ANG: variants seen among roughly 807,000 people sequenced by gnomAD.
The protein encoded by ANG is Homo sapiens epididymis luminal protein 168.
For missense variants in ANG, 178 were observed against 187.4 expected (o/e 0.95, Z 0.29); for synonymous variants, 74 against 73.8 (o/e 1.00, Z -0.02).
intron 1 of ANG, among the ~76,000 whole-genome samples, chr14:20,692,988 C>T (rs1459731280): frequency 3.3e-5 from 5 of 151,430 alleles, no homozygotes; most frequent in African/African-American, 9.7e-5. Flanking sequence ...GCTGGGACTA[C>T]AGGCGCCCGC....
At chr14:20,693,094 G>T (rs919371260) in intron 1 of ANG, among the ~76,000 whole-genome samples, 1 of 151,986 alleles carries the variant, frequency 6.6e-6, no homozygotes, top group Non-Finnish European at 1.5e-5. Context: ...TGATCCGCCC[G>T]CCTTGGCCTC....
At chr14:20,692,738 C>A (rs180750198) in intron 1 of ANG, among the ~76,000 whole-genome samples, 25 of 152,346 alleles carry the variant, frequency 1.6e-4, no homozygotes, top group African/African-American at 5.5e-4. Context: ...CCCTAAAACT[C>A]TCTTCTTAGC....
rs543926921 is a variant in ANG, at chr14:20,690,029, C to G, written c.-19+1155C>G. On this transcript the variant is annotated intron_variant, in intron 1 of 1. Coordinates refer to ENST00000397990, the MANE Select transcript of ANG (RefSeq NM_001097577.3). ...AGGAGATCGAGACCATCCTGGCTAA[C>G]AAGGTGAAACCCCGTCTCTACTAAA... is the stretch of plus-strand genomic sequence containing the variant. 6.1e-5 allele frequency among the ~76,000 whole-genome samples: 9 copies of G among 147,342 alleles called. 1 individual carries two copies. The highest frequency in any genetic ancestry group is 5.4e-4 in the Admixed American group (8 of 14,802).
At position 20,693,226 on chromosome 14, in the gene ANG, T is replaced by G. The variant is rs74792371; in HGVS notation, c.-18-321T>G. ...GTAGAGACCTATGTAATGTTCATTA[T>G]TCAATTAATAAATACATGAATTAAA... On this transcript the variant is annotated intron_variant, in intron 1 of 1. Coordinates refer to ENST00000397990, the MANE Select transcript of ANG (RefSeq NM_001097577.3). Among the ~76,000 whole-genome samples, 8,239 of 152,324 alleles carry G rather than the reference T, an allele frequency of 0.054. 319 individuals are homozygous for G. Among genetic ancestry groups the G allele is most frequent in the East Asian group, 0.16 (828 of 5,184 alleles).
chr14:20,686,927 AG>A (rs1220541273), upstream of ANG, among the ~76,000 whole-genome samples: 1 of 152,228 alleles, frequency 6.6e-6, no homozygotes, highest in African/African-American at 2.4e-5. Context: ...CTCTAACACT[AG>A]GGTCCTTGGA....
intron 1 of ANG, among the ~76,000 whole-genome samples, chr14:20,692,523 A>G (rs918326915): frequency 3.9e-5 from 6 of 152,258 alleles, no homozygotes; most frequent in Non-Finnish European, 7.3e-5. Flanking sequence ...AGCAGGCAGC[A>G]TTAGATTCTC....
At chr14:20,689,714 C>T (rs1886610244) in intron 1 of ANG, among the ~76,000 whole-genome samples, 2 of 151,958 alleles carry the variant, frequency 1.3e-5, no homozygotes, top group African/African-American at 4.8e-5. Flanking sequence ...GTCAGGAGTT[C>T]GAGACCAGCC....
intron 1 of ANG, among the ~76,000 whole-genome samples, chr14:20,692,447 C>G (rs1386550468): frequency 6.6e-6 from 1 of 152,220 alleles, no homozygotes; most frequent in Non-Finnish European, 1.5e-5. Flanking sequence ...TCAGGGTTCC[C>G]TAGAACAGAG....
chr14:20,689,776 C>T (rs1031990502), intron 1 of ANG, among the ~76,000 whole-genome samples: 2 of 151,852 alleles, frequency 1.3e-5, no homozygotes, highest in East Asian at 1.9e-4. Context: ...ATTAGCCAAG[C>T]GTGGTGGTGG....
upstream of ANG, among the ~76,000 whole-genome samples, chr14:20,687,975 T>C (rs1159700863): frequency 6.6e-6 from 1 of 152,178 alleles, no homozygotes; most frequent in East Asian, 1.9e-4. Context: ...CTGTCTGATA[T>C]TGGAAACTAT....
rs761913537 is a variant in ANG, at chr14:20,693,909, A to G, written c.345A>G (p.Pro115=). 6.2e-6 allele frequency: 10 copies of G among 1,614,176 alleles called. No homozygotes were observed. The Admixed American group carries it at 1.3e-4, about 22-fold the overall frequency. ...TACATGGAGGTTCCCCCTGGCCTCCATGCCAGTACCGAGCCACAGCGGGGT... is the reference window on the plus strand; with the variant it reads ...TACATGGAGGTTCCCCCTGGCCTCCGTGCCAGTACCGAGCCACAGCGGGGT... ...CKLHGGSPWP[P]CQYRATAGFR... The change falls in exon 2 of 2, where the codon CCA becomes CCG. Residue 115 remains proline, a synonymous_variant. Transcript: ENST00000397990.
chr14:20,690,999 G>C (rs1886712965), intron 1 of ANG, among the ~76,000 whole-genome samples: 1 of 152,192 alleles, frequency 6.6e-6, no homozygotes, highest in Non-Finnish European at 1.5e-5. Context: ...TCTGAACTTT[G>C]TGGCTTTTAC....
chr14:20,693,737 G>A lies in ANG; in HGVS notation c.173G>A (p.Gly58Asp). 1 of 1,614,202 alleles carries A rather than the reference G, an allele frequency of 6.2e-7. No homozygotes were observed. The highest frequency in any genetic ancestry group is 8.5e-7 in the Non-Finnish European group (1 of 1,180,036). ...RYCESIMRRR[G>D]LTSPCKDINT... ...TGTGAAAGCATCATGAGGAGACGGG[G>A]CCTGACCTCACCCTGCAAAGACATC... The change falls in exon 2 of 2, where the codon GGC becomes GAC. Residue 58 changes from glycine to aspartate, a missense_variant. Coordinates refer to ENST00000397990, the MANE Select transcript of ANG (RefSeq NM_001097577.3).
upstream of ANG, among the ~76,000 whole-genome samples, chr14:20,686,465 C>A (rs574681383): frequency 6.6e-6 from 1 of 152,268 alleles, no homozygotes; most frequent in South Asian, 2.1e-4. Context: ...GTCAGTGAAA[C>A]CTTTCTTTAG....
In ANG at chr14:20,693,553, G is replaced by A. The variant is rs931219708; in HGVS notation, c.-12G>A. On this transcript the variant is annotated 5_prime_UTR_variant, in exon 2 of 2. It adds an upstream start codon to the 5' untranslated region. Transcript: ENST00000397990. ...CTCCTTTTGCCCTCCGCAGGAGCCT[G>A]TGTTGGAAGAGATGGTGATGGGCCT... 6 of 1,611,508 alleles carry A rather than the reference G, an allele frequency of 3.7e-6. No homozygotes were observed. In the Admixed American group the frequency reaches 1.0e-4, roughly 27 times the overall value.
rs1566602528 is a variant in ANG, at chr14:20,693,804, C to A, written c.240C>A (p.Ile80=). The A allele has an allele frequency of 6.2e-7, 1 of 1,614,204 alleles. No homozygotes were observed. Among genetic ancestry groups the A allele is most frequent in the Admixed American group, 1.7e-5 (1 of 60,020 alleles). Residue 80 remains isoleucine (I), a synonymous_variant, in exon 2 of 2, where the codon ATC becomes ATA. Transcript: ENST00000397990. ...GCAACAAGCGCAGCATCAAGGCCATCTGTGAAAACAAGAATGGAAACCCTC... is the reference window on the plus strand; with the variant it reads ...GCAACAAGCGCAGCATCAAGGCCATATGTGAAAACAAGAATGGAAACCCTC... ...IHGNKRSIKA[I]CENKNGNPHR...
At chr14:20,689,719 C>A (rs1948525905) in intron 1 of ANG, among the ~76,000 whole-genome samples, 1 of 152,034 alleles carries the variant, frequency 6.6e-6, no homozygotes, top group South Asian at 2.1e-4. Flanking sequence ...GAGTTCGAGA[C>A]CAGCCTGGCC....
chr14:20,693,015 T>G (rs1886865124), intron 1 of ANG, among the ~76,000 whole-genome samples: 2 of 151,492 alleles, frequency 1.3e-5, no homozygotes, highest in Admixed American at 1.3e-4. Context: ...GCCCGGCTAA[T>G]TTTTTGTATT....
At chr14:20,689,915 CA>C (rs58958050) in intron 1 of ANG, among the ~76,000 whole-genome samples, 27,510 of 121,394 alleles carry the variant, frequency 0.23, 2,737 homozygotes, top group East Asian at 0.43. Flanking sequence ...GACTCTGTCT[CA>C]AAAAAAAAAA....
Sources: allele counts gnomAD v4.1 joint callset (sites outside exome capture counted in the v4.1 genomes callset), GRCh38; gene constraint gnomAD v4.1.1; transcripts MANE v1.5; gene names NCBI Gene and HGNC (gene_info 2026-07-23, HGNC 2026-07-21).